Variants in POLQ observed in about 807,000 individuals in gnomAD.
POLQ encodes the protein epididymis secretory sperm binding protein.
POLQ carries 233 observed loss-of-function variants against 259.2 expected under a neutral mutation model. The ratio of observed to expected loss-of-function variants is 0.90; its 90% CI spans 0.81 to 1.00. The LOEUF is 1.00. Among genes scored for constraint, POLQ ranks in the 50% least tolerant of loss-of-function variants. POLQ has a pLI of 0.00. For missense variants in POLQ, 2,871 were observed against 3,051.6 expected (o/e 0.94, Z 1.39); for synonymous variants, 1,025 against 1,048.8 (o/e 0.98, Z 0.44).
At chr3:121,492,986 A>G (rs574480877) in intron 15 of POLQ, among the ~76,000 whole-genome samples, 2 of 152,010 alleles carry the variant, frequency 1.3e-5, no homozygotes, top group South Asian at 4.2e-4. Flanking sequence ...GTCATGTATT[A>G]TTTTTTAAAT....
rs188055901 is a variant in POLQ at position 121,436,032 on chromosome 3, T to A, written c.7543+90A>T. 104 of 1,087,068 alleles carry A rather than the reference T, an allele frequency of 9.6e-5. No individual in the cohort carries two copies. In the African/African-American group the frequency reaches 1.5e-3, roughly 16 times the overall value. 67.3% of individuals were successfully genotyped at this position (1,087,068 alleles called of 1,614,324 possible). A position where few individuals can be genotyped will look rare whatever the true frequency, so the allele number is the denominator to read the frequency against. On this transcript the variant is annotated intron_variant, in intron 28 of 29. Coordinates refer to ENST00000264233, the MANE Select transcript of POLQ (RefSeq NM_199420.4). The stretch of plus-strand genomic sequence containing the variant: ...TGAGACCAAAACATTTGAGAACTGT[T>A]GAGAAATAAAATAAAAAATACTTCC...
chr3:121,493,835 T>A, intron 14 of POLQ, 114 bp from the exon 15 acceptor site: 1 of 924,782 alleles, frequency 1.1e-6, no homozygotes, highest in Non-Finnish European at 1.6e-6. Flanking sequence ...TTGTAAGATT[T>A]AACAAGGCCC....
At position 121,439,974 on chromosome 3, in the gene POLQ, T is replaced by C; in HGVS notation, c.7389+18A>G. On this transcript the variant is annotated intron_variant, in intron 27 of 29. Transcript: ENST00000264233. ...CATTGAAATGTTAAGTTAAAATTCC[T>C]AAAAAATTTCAACATACGTGAGCTT... is the stretch of plus-strand genomic sequence containing the variant. 2 of 1,608,806 alleles carry C rather than the reference T, an allele frequency of 1.2e-6. No individual in the cohort carries two copies. Among genetic ancestry groups the C allele is most frequent in the Non-Finnish European group, 8.5e-7 (1 of 1,176,578 alleles).
chr3:121,523,216 C>A (rs1312454828), intron 7 of POLQ, among the ~76,000 whole-genome samples: 1 of 151,960 alleles, frequency 6.6e-6, no homozygotes, highest in East Asian at 1.9e-4. Flanking sequence ...GATAGGGTCT[C>A]CCTAGGTTGC....
At position 121,481,704 on chromosome 3, in the gene POLQ, G is replaced by T. The variant is rs756475404; in HGVS notation, c.6079C>A (p.Gln2027Lys). ...TTTAGCCCCAGGCTTTGAATCCCTT[G>T]GCTGGTCTCCATCCCTTCTAGGAGT... ...LPLLEGMETS[Q>K]GIQSLGLNAG... The change falls in exon 19 of 30, where the codon CAA becomes AAA. Residue 2027 changes from glutamine to lysine, a missense_variant. Gln to Lys is a moderately conservative substitution (Grantham distance 53, BLOSUM62 1). Around this residue, in one of 3 missense-constraint regions of POLQ, gnomAD observed 2,080 missense variants for 2,126.0 expected, o/e 0.98. Transcript: ENST00000264233. 6.8e-6 allele frequency: 11 copies of T among 1,614,054 alleles called. No individual in the cohort carries two copies. Among genetic ancestry groups the T allele is most frequent in the Non-Finnish European group, 9.3e-6 (11 of 1,179,998 alleles).
intron 7 of POLQ, among the ~76,000 whole-genome samples, chr3:121,526,860 C>T (rs765236807): frequency 3.3e-4 from 46 of 138,032 alleles, no homozygotes; most frequent in Non-Finnish European, 6.1e-4. Flanking sequence ...TGTGTGTGTG[C>T]GTGTGTGTCT....
At chr3:121,544,941 A>T in intron 1 of POLQ, 35 bp from the exon 2 acceptor site, 1 of 1,330,510 alleles carries the variant, frequency 7.5e-7, no homozygotes, top group Non-Finnish European at 1.1e-6. Context: ...AATTTAATTT[A>T]CTTCTAATAT....
chr3:121,438,617 T>C (rs1241002640), intron 27 of POLQ, among the ~76,000 whole-genome samples: 2 of 152,232 alleles, frequency 1.3e-5, no homozygotes, highest in Non-Finnish European at 2.9e-5. Flanking sequence ...TTTGTGATTG[T>C]CTTTTTCTCA....
intron 24 of POLQ, among the ~76,000 whole-genome samples, chr3:121,466,416 C>T (rs1192527671): frequency 1.3e-5 from 2 of 149,550 alleles, no homozygotes; most frequent in African/African-American, 4.9e-5. Flanking sequence ...CTTAGCCAGG[C>T]GCAGTGGCTC....
intron 19 of POLQ, among the ~76,000 whole-genome samples, chr3:121,477,358 T>C (rs1197090151): frequency 6.6e-6 from 1 of 152,206 alleles, no homozygotes; most frequent in Admixed American, 6.5e-5. Flanking sequence ...TATTAAATAA[T>C]TGTATAAAAT....
At chr3:121,452,640 G>A (rs992131551) in intron 25 of POLQ, among the ~76,000 whole-genome samples, 4 of 152,054 alleles carry the variant, frequency 2.6e-5, no homozygotes, top group Admixed American at 2.6e-4. Context: ...TTAAATAGAA[G>A]CAGTTGTCTC....
At chr3:121,521,474 C>T (rs1338682402) in intron 8 of POLQ, 1 of 152,258 alleles carries the variant, frequency 6.6e-6, no homozygotes, top group Non-Finnish European at 1.5e-5. Context: ...CTGGTACTAT[C>T]TATGGTTTCA....
chr3:121,479,388 A>G (rs963206280), intron 19 of POLQ, among the ~76,000 whole-genome samples: 75 of 98,310 alleles, frequency 7.6e-4, no homozygotes, highest in Middle Eastern at 5.7e-3. Context: ...GTGTGTGTGT[A>G]TACACATCAA....
At chr3:121,476,844 G>C in intron 19 of POLQ, 111 bp from the exon 20 acceptor site, 1 of 728,032 alleles carries the variant, frequency 1.4e-6, no homozygotes, top group Non-Finnish European at 2.2e-6. Flanking sequence ...ATGCTACCAA[G>C]GTATCCTTCA....
In POLQ at chr3:121,490,058, T is replaced by A. The variant is rs2108799023; in HGVS notation, c.2873A>T (p.Asp958Val). 1 of 1,576,540 alleles carries A rather than the reference T, an allele frequency of 6.3e-7. No individual in the cohort carries two copies. Among genetic ancestry groups the A allele is most frequent in the South Asian group, 1.2e-5 (1 of 83,810 alleles). ...TGTATGCTCTCTACTTTTATTTAAG[T>A]CTTGCACTATATTTGGTGAATGCTT... The part of the protein sequence containing the change: ...YIKHSPNIVQ[D>V]LNKSREHTSS... The change falls in exon 16 of 30, where the codon GAC (aspartate) becomes GTC (valine). Residue 958 changes from aspartate (D) to valine (V), a missense_variant. Asp to Val is a radical substitution (Grantham distance 152). Transcript: ENST00000264233.
At chr3:121,515,031 T>G (rs531771553) in intron 9 of POLQ, among the ~76,000 whole-genome samples, 1 of 152,314 alleles carries the variant, frequency 6.6e-6, no homozygotes, top group Admixed American at 6.5e-5. Flanking sequence ...AGGTGGAAGA[T>G]GCCTATCATA....
intron 15 of POLQ, among the ~76,000 whole-genome samples, chr3:121,491,549 A>C (rs2048068902): frequency 1.3e-5 from 2 of 152,132 alleles, no homozygotes; most frequent in Admixed American, 6.6e-5. Context: ...GGCAGGGCCC[A>C]GTCAGCACCC....
intron 18 of POLQ, among the ~76,000 whole-genome samples, chr3:121,482,364 C>CA (rs1436285142): frequency 6.6e-6 from 1 of 151,792 alleles, no homozygotes; most frequent in African/African-American, 2.4e-5. Flanking sequence ...ACTAAATATA[C>CA]AAAAAATTAG....
chr3:121,487,386 G>A lies in POLQ; in HGVS notation c.5545C>T (p.Arg1849Ter), dbSNP rs746514158. The part of the protein sequence containing the change: ...TFIKEWRCKK[R>*]FSISLACEKI... ...TCACAAGCCAGTGAGATGGAAAATC[G>A]CTTTTTGCACCGCCACTCCTTAATG... Residue 1849 changes from arginine (R) to a stop codon, truncating the protein, a stop_gained, in exon 16 of 30, where the codon CGA becomes TGA. Coordinates refer to ENST00000264233, the MANE Select transcript of POLQ (RefSeq NM_199420.4). LOFTEE classifies it high-confidence loss of function. 14 of 1,613,912 alleles carry A rather than the reference G, an allele frequency of 8.7e-6. No homozygotes were observed. The highest frequency in any genetic ancestry group is 3.3e-5 in the Admixed American group (2 of 59,998).
Sources: allele counts gnomAD v4.1 joint callset (sites outside exome capture counted in the v4.1 genomes callset), GRCh38; gene constraint gnomAD v4.1.1; regional missense constraint gnomAD v4.1.1; transcripts MANE v1.5; gene names NCBI Gene and HGNC (gene_info 2026-07-23, HGNC 2026-07-21).